The following USP40 variants were observed in gnomAD, a reference collection of about 807,000 sequenced individuals.
USP40 encodes the protein ubiquitin carboxyl-terminal hydrolase 40.
Under a neutral mutation model 166.2 loss-of-function variants are expected in USP40, and 143 were observed. The ratio of observed to expected loss-of-function variants is 0.86; its 90% confidence interval spans 0.75 to 0.99. USP40 has a LOEUF of 0.99. USP40 is among the 50% of genes least tolerant of loss of function. USP40 has a pLI of 0.00. For synonymous variants in USP40, 498 were observed against 524.0 expected, an observed-to-expected ratio of 0.95 and a Z score of 0.68; for missense variants, 1,444 against 1,479.7, an observed-to-expected ratio of 0.98 and a Z score of 0.40.
intron 16 of USP40, among the ~76,000 whole-genome samples, chr2:233,522,472 C>T (rs1434749117): frequency 6.6e-6 from 1 of 152,150 alleles, no homozygotes; most frequent in Non-Finnish European, 1.5e-5. Context: ...GCATCAAAGC[C>T]ACTATAAATA....
At chr2:233,487,136 C>T (rs922622795) in intron 28 of USP40, among the ~76,000 whole-genome samples, 1 of 152,250 alleles carries the variant, frequency 6.6e-6, no homozygotes, top group East Asian at 1.9e-4. Context: ...AGAGCTCACA[C>T]AAATTCCAAG....
intron 6 of USP40, among the ~76,000 whole-genome samples, chr2:233,553,996 T>G (rs928796805): frequency 3.9e-5 from 6 of 152,218 alleles, no homozygotes; most frequent in African/African-American, 1.4e-4. Context: ...GTCAAGATTA[T>G]AAAATAACTG....
chr2:233,561,053 T>G (rs1025972488), intron 3 of USP40: 1 of 1,276,624 alleles, frequency 7.8e-7, no homozygotes, highest in Middle Eastern at 1.8e-4. Flanking sequence ...AAGAGCATAT[T>G]TGATAATTAA....
chr2:233,514,133 C>T (rs543221556), intron 18 of USP40, among the ~76,000 whole-genome samples: 2 of 152,210 alleles, frequency 1.3e-5, no homozygotes, highest in Admixed American at 6.5e-5. Flanking sequence ...GTATTGGCTA[C>T]GTGCCAGGCA....
rs114335205 is a variant in USP40, at chr2:233,509,869, T to G, written c.2613+180A>C. ...AAAAAAAAAAAAAAAAAAAATCCAG[T>G]TGGTTCACCAATTTTCAAGCTCCCA... On this transcript the variant is annotated intron_variant, in intron 21 of 31. Transcript: ENST00000678225. 9.1e-3 allele frequency among the ~76,000 whole-genome samples: 1,352 copies of G among 148,768 alleles called. 18 individuals are homozygous for G. Among genetic ancestry groups the G allele is most frequent in the African/African-American group, 0.032 (1,281 of 40,350 alleles).
rs145560089 is a variant in USP40, at chr2:233,481,276, C to T, written c.3526G>A (p.Asp1176Asn). The change falls in exon 31 of 32, where the codon GAT (aspartate) becomes AAT (asparagine). Residue 1176 changes from aspartate to asparagine, a missense_variant. Physicochemically the swap from Asp to Asn is conservative, Grantham distance 23. Coordinates refer to ENST00000678225, the MANE Select transcript of USP40 (RefSeq NM_001365479.2). ...TCATCTCTGATTGTACTGAAATCAT[C>T]ATCGTCGTCAATCAGGAGATTCTAC... ...GVKNLLIDDD[D>N]DFSTIRDDTG... 950 of 1,604,568 alleles carry T rather than the reference C, an allele frequency of 5.9e-4. 9 individuals carry two copies. In the African/African-American group the frequency reaches 0.011, roughly 19 times the overall value.
At chr2:233,513,443 CAGACTTGAA>C (rs2066966912) in intron 18 of USP40, among the ~76,000 whole-genome samples, 1 of 152,102 alleles carries the variant, frequency 6.6e-6, no homozygotes, top group South Asian at 2.1e-4. Context: ...GACAAACCAC[CAGACTTGAA>C]AGAAATGAAG....
rs762702991 is a variant in USP40, at chr2:233,554,522, T to C, written c.551A>G (p.Asp184Gly). Residue 184 changes from aspartate to glycine, a missense_variant, in exon 6 of 32, where the codon GAC (aspartate) becomes GGC (glycine). By Grantham distance (94) the Asp-to-Gly change is moderately conservative (BLOSUM62 -1). Transcript: ENST00000678225. Reference protein sequence around the residue: ...ECKNVSERQEDFLDLTVAVKN... With the variant: ...ECKNVSERQEGFLDLTVAVKN... ...GACTGCTACTGTTAGATCTAAGAAGTCTTCCTGAAATAGACATGAATATAA... is the reference window on the plus strand; with the variant it reads ...GACTGCTACTGTTAGATCTAAGAAGCCTTCCTGAAATAGACATGAATATAA... 2.7e-5 allele frequency: 44 copies of C among 1,603,082 alleles called. No individual in the cohort carries two copies. Among genetic ancestry groups the C allele is most frequent in the Non-Finnish European group, 3.6e-5 (42 of 1,176,428 alleles).
chr2:233,546,563 A>G (rs966192820), intron 8 of USP40: 2 of 152,330 alleles, frequency 1.3e-5, no homozygotes, highest in Non-Finnish European at 2.9e-5. Context: ...GCACTTCCTA[A>G]GACTGAAGAG....
intron 6 of USP40, among the ~76,000 whole-genome samples, chr2:233,552,807 T>C: frequency 6.6e-6 from 1 of 152,352 alleles, no homozygotes; most frequent in Non-Finnish European, 1.5e-5. Context: ...AAATCAGTAT[T>C]GTGTATTATC....
At chr2:233,521,359 T>C (rs1251932847) in intron 16 of USP40, among the ~76,000 whole-genome samples, 1 of 152,210 alleles carries the variant, frequency 6.6e-6, no homozygotes, top group Admixed American at 6.5e-5. Flanking sequence ...AGAGAACTTC[T>C]GTAAGTAAAC....
chr2:233,537,830 G>A (rs2069046591), intron 10 of USP40, among the ~76,000 whole-genome samples: 1 of 152,174 alleles, frequency 6.6e-6, no homozygotes, highest in Non-Finnish European at 1.5e-5. Flanking sequence ...CTAGGTTGAA[G>A]GGAAATGATA....
In USP40 at chr2:233,477,321, A is replaced by G; in HGVS notation, c.*71T>C. ...TGGAGGCGCCAGGCAGCCAGTCCCCATGCCCAGGAAACCCACGTTTGTGGC... is the reference window on the plus strand; with the variant it reads ...TGGAGGCGCCAGGCAGCCAGTCCCCGTGCCCAGGAAACCCACGTTTGTGGC... On this transcript the variant is annotated 3_prime_UTR_variant, in exon 32 of 32. Transcript: ENST00000678225. 2 of 1,441,078 alleles carry G rather than the reference A, an allele frequency of 1.4e-6. No individual in the cohort carries two copies. The highest frequency in any genetic ancestry group is 1.9e-6 in the Non-Finnish European group (2 of 1,043,686). 89.3% of individuals were successfully genotyped at this position (1,441,078 alleles called of 1,614,324 possible).
In USP40 at chr2:233,493,385, T is replaced by C. The variant is rs1173326953; in HGVS notation, c.2917+40A>G. 1 of 1,613,834 alleles carries C rather than the reference T, an allele frequency of 6.2e-7. No homozygotes were observed. Among genetic ancestry groups the C allele is most frequent in the Non-Finnish European group, 8.5e-7 (1 of 1,179,846 alleles). ...GCACAGGCAGTCAATTTACTTCTCT[T>C]TATGATGCACTGGCTGCTGAAATCC... is the stretch of plus-strand genomic sequence containing the variant. On this transcript the variant is annotated intron_variant, in intron 25 of 31. Transcript: ENST00000678225. The surrounding 1 kb of genome is among the most constrained non-coding windows in gnomAD (Gnocchi z 4.7).
intron 18 of USP40, among the ~76,000 whole-genome samples, chr2:233,518,258 A>G (rs2067387540): frequency 8.2e-6 from 1 of 121,596 alleles, no homozygotes; most frequent in Non-Finnish European, 1.8e-5. Context: ...TTCTAAAAAA[A>G]AAAAAAAAAA....
intron 21 of USP40, among the ~76,000 whole-genome samples, chr2:233,508,233 C>A (rs2066563495): frequency 1.3e-5 from 2 of 152,194 alleles, no homozygotes; most frequent in Admixed American, 6.5e-5. Context: ...AAATATCCAA[C>A]TAATGTTCAC....
intron 20 of USP40, among the ~76,000 whole-genome samples, chr2:233,511,409 G>C (rs2066825139): frequency 6.6e-6 from 1 of 152,170 alleles, no homozygotes; most frequent in African/African-American, 2.4e-5. Flanking sequence ...GTAAAAATGT[G>C]AGAAAAAGAA....
At chr2:233,497,704 A>G (rs2125099125) in intron 23 of USP40, among the ~76,000 whole-genome samples, 1 of 152,360 alleles carries the variant, frequency 6.6e-6, no homozygotes. Flanking sequence ...GGGTAAATAT[A>G]TTCTTCTGAC....
At chr2:233,496,377 T>C (rs911442148) in intron 24 of USP40, among the ~76,000 whole-genome samples, 1 of 152,214 alleles carries the variant, frequency 6.6e-6, no homozygotes, top group Non-Finnish European at 1.5e-5. Flanking sequence ...TTTAGAACTA[T>C]TTTCTGAAGG....
Sources: allele counts gnomAD v4.1 joint callset (sites outside exome capture counted in the v4.1 genomes callset), GRCh38; gene constraint gnomAD v4.1.1; non-coding constraint Gnocchi (gnomAD v3.1); transcripts MANE v1.5; gene names NCBI Gene and HGNC (gene_info 2026-07-23, HGNC 2026-07-21).